TRNT1: variants seen among roughly 807,000 people sequenced by gnomAD.
TRNT1 encodes the protein tRNA nucleotidyl transferase 1.
TRNT1 carries 44 observed loss-of-function variants against 45.6 expected under a neutral mutation model. The observed-to-expected ratio is 0.97, with a 90% CI of 0.76 to 1.24. The LOEUF (loss-of-function observed/expected upper bound fraction) is 1.24, where lower values mean the gene tolerates loss of function less well. Among genes scored for constraint, TRNT1 ranks in the 50% most tolerant of loss-of-function variants. The probability of loss-of-function intolerance (pLI) is 0.00; values close to 1 mark genes in which losing one functional copy is unlikely to be tolerated. For missense variants in TRNT1, 633 were observed against 504.4 expected (o/e 1.25, Z -2.44); for synonymous variants, 201 against 171.4 (o/e 1.17, Z -1.35).
At chr3:3,128,400 C>T (rs1380522900) in intron 1 of TRNT1, among the ~76,000 whole-genome samples, 2 of 152,010 alleles carry the variant, frequency 1.3e-5, no homozygotes, top group Non-Finnish European at 2.9e-5. Flanking sequence ...AGTTCGAGAG[C>T]AGTCTGGCCA....
At chr3:3,128,873 A>G in intron 1 of TRNT1, 141 bp from the exon 2 acceptor site, 1 of 654,416 alleles carries the variant, frequency 1.5e-6, no homozygotes, top group Middle Eastern at 3.3e-4. Context: ...GTAATCCCTC[A>G]AACTGACACC....
downstream of TRNT1, chr3:3,149,702 G>GA (rs1197590439): frequency 3.3e-5 from 5 of 152,098 alleles, no homozygotes; most frequent in East Asian, 1.9e-4. Context: ...GGCATATCCT[G>GA]ATTGGAAGTA....
chr3:3,138,571 C>G (rs548323574), intron 3 of TRNT1, among the ~76,000 whole-genome samples: 7 of 151,876 alleles, frequency 4.6e-5, no homozygotes, highest in African/African-American at 1.7e-4. Flanking sequence ...CCTTTGGAAA[C>G]TCTTATTATT....
intron 3 of TRNT1, 57 bp from the exon 4 acceptor site, chr3:3,140,453 C>A: frequency 6.4e-7 from 1 of 1,564,886 alleles, no homozygotes; most frequent in South Asian, 1.2e-5. Flanking sequence ...TTTTTCAATT[C>A]AGTAGTATGA....
Position 3,129,120 on chromosome 3 carries a change from T to C in TRNT1, c.80T>C (p.Leu27Pro). 6.2e-7 allele frequency: 1 copy of C among 1,614,162 alleles called. No homozygotes were observed. Among genetic ancestry groups the C allele is most frequent in the Non-Finnish European group, 8.5e-7 (1 of 1,180,002 alleles). ...AGGCTGTGCCTTCCGAAGCAGTATC[T>C]ATTCACAATGAAGTTGCAGTCTCCC... is the stretch of plus-strand genomic sequence containing the variant. The part of the protein sequence containing the change: ...WSRLCLPKQY[L>P]FTMKLQSPEF... The change falls in exon 2 of 8, where the codon CTA (leucine) becomes CCA (proline). Residue 27 changes from leucine to proline, a missense_variant. Leu to Pro is a moderately conservative substitution (Grantham distance 98, BLOSUM62 -3). Transcript: ENST00000251607.
At chr3:3,137,519 C>G in intron 3 of TRNT1, 66 bp downstream of exon 3, 3 of 1,388,268 alleles carry the variant, frequency 2.2e-6, no homozygotes, top group Non-Finnish European at 2.0e-6. Flanking sequence ...TTAATTTTCT[C>G]TAGTTAAAAG....
At chr3:3,146,076 G>C (rs1705999801) in intron 5 of TRNT1, among the ~76,000 whole-genome samples, 1 of 150,282 alleles carries the variant, frequency 6.7e-6, no homozygotes, top group Non-Finnish European at 1.5e-5. Context: ...TTACAAGAAT[G>C]CTGTTTTTTT....
Position 3,148,360 on chromosome 3 carries a change from T to G in TRNT1, c.*206T>G. ...GGATCTGATTTATATCACTGAAATG[T>G]ACAGTTCTTTTGGAATAGTTTCACC... On this transcript the variant is annotated 3_prime_UTR_variant, in exon 8 of 8. Transcript: ENST00000251607. The G allele has an allele frequency of 2.0e-6, 1 of 505,130 alleles. No individual in the cohort carries two copies. Among genetic ancestry groups the G allele is most frequent in the East Asian group, 3.5e-5 (1 of 28,764 alleles). The allele number at this position is 505,130 out of a possible 1,614,324, so 31.3% of individuals were successfully genotyped here. A position where few individuals can be genotyped will look rare whatever the true frequency, so the allele number is the denominator to read the frequency against.
chr3:3,141,061 G>C (rs1350651444), intron 4 of TRNT1, among the ~76,000 whole-genome samples: 1 of 152,100 alleles, frequency 6.6e-6, no homozygotes, highest in East Asian at 1.9e-4. Context: ...AACAGAGCGA[G>C]ACTCCATCTC....
chr3:3,140,432 A>G, intron 3 of TRNT1, 78 bp from the exon 4 acceptor site: 1 of 1,496,404 alleles, frequency 6.7e-7, no homozygotes. Flanking sequence ...TTATAAAGAC[A>G]AAAACTTATT....
At chr3:3,130,546 T>C (rs1344231063) in intron 2 of TRNT1, 2 of 152,508 alleles carry the variant, frequency 1.3e-5, no homozygotes, top group African/African-American at 4.8e-5. Flanking sequence ...TGCTTCACTA[T>C]CTTTTTTAAT....
chr3:3,142,070 C>G (rs1705688234), intron 4 of TRNT1, among the ~76,000 whole-genome samples: 1 of 152,068 alleles, frequency 6.6e-6, no homozygotes, highest in African/African-American at 2.4e-5. Context: ...ATAGAGAGCC[C>G]AATTGGTGCA....
Position 3,146,460 on chromosome 3 carries a change from T to A in TRNT1, c.639T>A (p.Gly213=). ...ATGGGAGAATTGTAGACAAACCTGG[T>A]GACCATGATCCTGAGACTTTGGAAG... is the stretch of plus-strand genomic sequence containing the variant. ...RFYGRIVDKP[G]DHDPETLEAI... is the part of the protein sequence containing the mutation. The change falls in exon 6 of 8, where the codon GGT becomes GGA. Residue 213 remains glycine (G), a synonymous_variant. Transcript: ENST00000251607. The A allele has an allele frequency of 3.1e-6, 5 of 1,613,224 alleles. No individual in the cohort carries two copies. Among genetic ancestry groups the A allele is most frequent in the Non-Finnish European group, 4.2e-6 (5 of 1,179,732 alleles).
At chr3:3,141,287 C>T (rs571299263) in intron 4 of TRNT1, among the ~76,000 whole-genome samples, 5 of 152,262 alleles carry the variant, frequency 3.3e-5, no homozygotes, top group African/African-American at 1.2e-4. Flanking sequence ...AACATGATTT[C>T]AGGGAAGAGA....
In TRNT1 at chr3:3,147,929, T is replaced by C; in HGVS notation, c.1080T>C (p.Thr360=). ...IIDSREPDAT[T]RVCELLKYQG... is the part of the protein sequence containing the mutation. ...AGTCTAGGGAACCTGATGCAACTAC[T>C]CGTGTATGTGAACTACTGAAGTACC... Residue 360 remains threonine (T), a synonymous_variant, in exon 8 of 8, where the codon ACT becomes ACC. Coordinates refer to ENST00000251607, the MANE Select transcript of TRNT1 (RefSeq NM_182916.3). The C allele has an allele frequency of 6.2e-7, 1 of 1,613,480 alleles. No individual in the cohort carries two copies. Among genetic ancestry groups the C allele is most frequent in the East Asian group, 2.2e-5 (1 of 44,882 alleles).
downstream of TRNT1, chr3:3,153,077 A>G (rs1706696220): frequency 6.5e-6 from 2 of 308,814 alleles, no homozygotes; most frequent in South Asian, 3.5e-5. Flanking sequence ...CTTTGGCCCT[A>G]TATGGCAAAA....
Position 3,146,678 on chromosome 3 carries a change from A to G in TRNT1, c.802+55A>G, listed in dbSNP as rs1672772. 0.82 allele frequency: 1,169,087 copies of G among 1,430,918 alleles called. 482,319 individuals carry two copies. The highest frequency in any genetic ancestry group is 0.94 in the East Asian group (39,283 of 41,946). The allele number at this position is 1,430,918 out of a possible 1,614,324, so 88.6% of individuals were successfully genotyped here. A position where few individuals can be genotyped will look rare whatever the true frequency, so the allele number is the denominator to read the frequency against. ...TTTGGCAGTGAAATATCTGGTTTCA[A>G]ATTTCATAAGGAAAAAATGTTTGAC... is the stretch of plus-strand genomic sequence containing the variant. On this transcript the variant is annotated intron_variant, in intron 6 of 7. Transcript: ENST00000251607.
chr3:3,137,388 T>A lies in TRNT1; in HGVS notation c.277T>A (p.Phe93Ile), dbSNP rs2126017533. The A allele has an allele frequency of 6.2e-7, 1 of 1,613,928 alleles. No individual in the cohort carries two copies. Among genetic ancestry groups the A allele is most frequent in the East Asian group, 2.2e-5 (1 of 44,848 alleles). Residue 93 changes from phenylalanine (F) to isoleucine (I), a missense_variant, in exon 3 of 8, where the codon TTT becomes ATT. Transcript: ENST00000251607. ...TATPTQMKEM[F>I]QSAGIRMINN... ...TACCCCTACTCAAATGAAGGAGATG[T>A]TTCAGTCGGCTGGGATTCGGATGAT...
intron 2 of TRNT1, chr3:3,129,896 G>A (rs183070066): frequency 1.4e-5 from 21 of 1,550,572 alleles, no homozygotes; most frequent in East Asian, 2.4e-5. Context: ...GCTTGCAACC[G>A]CTAAGCTCTG....
Sources: gnomAD v4.1 joint callset for allele counts (sites outside exome capture counted in the v4.1 genomes callset) on GRCh38, gnomAD v4.1.1 for gene constraint, MANE v1.5 for transcripts, NCBI Gene and HGNC (gene_info 2026-07-23, HGNC 2026-07-21) for gene names.